Variants in ZC3HC1 observed in about 807,000 individuals in gnomAD.
ZC3HC1 encodes zinc finger C3HC-type containing 1, also known as zinc finger C3HC-type protein 1.
In ZC3HC1, 38 loss-of-function variants were observed where a neutral mutation model predicts 61.9. The ratio of observed to expected loss-of-function variants is 0.61; its 90% confidence interval spans 0.47 to 0.81. ZC3HC1 has a LOEUF of 0.81. ZC3HC1 is among the 30% of genes least tolerant of loss of function. ZC3HC1 has a pLI of 0.00. For synonymous variants in ZC3HC1, 213 were observed against 229.9 expected (o/e 0.93, Z 0.67); for missense variants, 554 against 622.7 (o/e 0.89, Z 1.17).
chr7:130,038,669 G>A (rs1409075124), intron 4 of ZC3HC1, among the ~76,000 whole-genome samples: 1 of 151,866 alleles, frequency 6.6e-6, no homozygotes, highest in African/African-American at 2.4e-5. Flanking sequence ...GACCAGCCTA[G>A]CCAACATGGT....
At chr7:130,034,209 GGC>G in intron 4 of ZC3HC1, among the ~76,000 whole-genome samples, 1 of 150,138 alleles carries the variant, frequency 6.7e-6, no homozygotes, top group Non-Finnish European at 1.5e-5. Flanking sequence ...GGGTCGGCAG[GGC>G]ATTTTGGCTC....
In ZC3HC1 at chr7:130,023,415, A is replaced by G; in HGVS notation, c.1233+96T>C. The G allele has an allele frequency of 8.3e-7, 1 of 1,201,790 alleles. No homozygotes were observed. The highest frequency in any genetic ancestry group is 1.2e-6 in the Non-Finnish European group (1 of 846,604). 74.4% of individuals were successfully genotyped at this position (1,201,790 alleles called of 1,614,324 possible). On this transcript the variant is annotated intron_variant, in intron 8 of 9. Coordinates refer to ENST00000358303, the MANE Select transcript of ZC3HC1 (RefSeq NM_016478.5). The surrounding 1 kb of genome is among the most constrained non-coding windows in gnomAD (Gnocchi z 4.2). ...TCACATGGTCTACTTTTTGCATTGGACCACGGAAGGGCTCCTGCCTGCTTC... is the reference window on the plus strand; with the variant it reads ...TCACATGGTCTACTTTTTGCATTGGGCCACGGAAGGGCTCCTGCCTGCTTC...
chr7:130,043,386 T>C (rs1280491415), intron 2 of ZC3HC1: 1 of 152,886 alleles, frequency 6.5e-6, no homozygotes, highest in Non-Finnish European at 1.5e-5. Flanking sequence ...TAAAGGGATA[T>C]AGGAATTTGA....
chr7:130,047,701 G>A (rs1794921693), intron 2 of ZC3HC1, among the ~76,000 whole-genome samples: 1 of 150,936 alleles, frequency 6.6e-6, no homozygotes, highest in South Asian at 2.1e-4. Context: ...AAACTTGGCA[G>A]GAAAAAAAAG....
intron 4 of ZC3HC1, chr7:130,036,649 C>A (rs1449894405): frequency 2.0e-5 from 3 of 152,044 alleles, no homozygotes; most frequent in Non-Finnish European, 4.4e-5. Context: ...AAAAAAATTA[C>A]CTTCAAAATT....
At chr7:130,024,855 CCAA>C (rs138575332) in intron 6 of ZC3HC1, among the ~76,000 whole-genome samples, 4 of 138,260 alleles carry the variant, frequency 2.9e-5, no homozygotes, top group African/African-American at 5.4e-5. Flanking sequence ...ACCAGCCTGA[CCAA>C]CAACAACAAC....
chr7:130,027,950 C>G (rs960969606), intron 5 of ZC3HC1, among the ~76,000 whole-genome samples: 4 of 150,636 alleles, frequency 2.7e-5, no homozygotes, highest in African/African-American at 9.8e-5. Flanking sequence ...GGGCGGATCA[C>G]GAGGTCAGGA....
chr7:130,022,562 G>A (rs1327343203), intron 8 of ZC3HC1, 37 bp from the exon 9 acceptor site: 1 of 1,598,060 alleles, frequency 6.3e-7, no homozygotes. Context: ...TTCATAGGTA[G>A]ATGCTATGTA....
chr7:130,028,009 T>C (rs1793997140), intron 5 of ZC3HC1, among the ~76,000 whole-genome samples: 1 of 147,956 alleles, frequency 6.8e-6, no homozygotes, highest in African/African-American at 2.5e-5. Context: ...TCTACTAAAA[T>C]TACAAAAATT....
At chr7:130,047,563 T>C (rs1385788250) in intron 2 of ZC3HC1, among the ~76,000 whole-genome samples, 1 of 151,966 alleles carries the variant, frequency 6.6e-6, no homozygotes, top group East Asian at 1.9e-4. Context: ...CCCAACCCTC[T>C]GGGAGGCTGT....
chr7:130,046,217 T>C (rs955768610), intron 2 of ZC3HC1, among the ~76,000 whole-genome samples: 2 of 152,018 alleles, frequency 1.3e-5, no homozygotes, highest in African/African-American at 4.8e-5. Flanking sequence ...ACCTAGGCAA[T>C]GGATTGATCT....
chr7:130,035,642 C>T (rs972288867), intron 4 of ZC3HC1, among the ~76,000 whole-genome samples: 3 of 151,986 alleles, frequency 2.0e-5, no homozygotes, highest in Admixed American at 6.6e-5. Flanking sequence ...CCACCACGCC[C>T]GGCTAATTTT....
rs1472886704 is a variant in ZC3HC1, at chr7:130,026,173, C to G, written c.761G>C (p.Cys254Ser). 6.2e-7 allele frequency: 1 copy of G among 1,613,734 alleles called. No homozygotes were observed. The highest frequency in any genetic ancestry group is 8.5e-7 in the Non-Finnish European group (1 of 1,179,844). Residue 254 changes from cysteine to serine, a missense_variant, in exon 6 of 10, where the codon TGT becomes TCT. Transcript: ENST00000358303. Reference protein sequence around the residue: ...VHVTACILSVCGWACSSSLES... With the variant: ...VHVTACILSVSGWACSSSLES... ...GCTGACTCACCTACACGCCCAGCCA[C>G]ACACAGAGAGAATACAGGCAGTGAC...
chr7:130,035,511 C>A (rs1337509069), intron 4 of ZC3HC1, among the ~76,000 whole-genome samples: 2 of 151,820 alleles, frequency 1.3e-5, no homozygotes, highest in South Asian at 4.2e-4. Context: ...TTCAGCATTC[C>A]CCAAATATAT....
intron 2 of ZC3HC1, 151 bp downstream of exon 2, chr7:130,048,882 G>A: frequency 2.0e-6 from 1 of 503,226 alleles, no homozygotes; most frequent in South Asian, 5.7e-5. Flanking sequence ...GTCCCTCTGA[G>A]TGATAACATA....
chr7:130,038,438 C>CCTAGGTAGAA (rs1794506249), intron 4 of ZC3HC1, among the ~76,000 whole-genome samples: 1 of 152,160 alleles, frequency 6.6e-6, no homozygotes, highest in South Asian at 2.1e-4. Context: ...CTACAGGAAA[C>CCTAGGTAGAA]CTAGGTAGAA....
At chr7:130,043,816 G>T (rs577909417) in intron 2 of ZC3HC1, 19 of 455,048 alleles carry the variant, frequency 4.2e-5, no homozygotes, top group Non-Finnish European at 7.5e-5. Context: ...AGAGATTCAT[G>T]CAAGAAAGGA....
chr7:130,046,879 CCAGGTT>C (rs1794888168), intron 2 of ZC3HC1, among the ~76,000 whole-genome samples: 2 of 152,130 alleles, frequency 1.3e-5, no homozygotes, highest in Middle Eastern at 3.4e-3. Flanking sequence ...CCTCTGCCTC[CCAGGTT>C]CAAGCAATTT....
intron 6 of ZC3HC1, among the ~76,000 whole-genome samples, chr7:130,025,337 T>C (rs977613132): frequency 2.0e-5 from 3 of 151,046 alleles, no homozygotes; most frequent in African/African-American, 7.3e-5. Context: ...TTAAATATGC[T>C]CTCTTTGGTA....
Sources: gnomAD v4.1 joint callset for allele counts (sites outside exome capture counted in the v4.1 genomes callset) on GRCh38, gnomAD v4.1.1 for gene constraint, Gnocchi (gnomAD v3.1) non-coding constraint, MANE v1.5 for transcripts, NCBI Gene and HGNC (gene_info 2026-07-23, HGNC 2026-07-21) for gene names.